The following NRDC variants were observed in gnomAD, a reference collection of about 807,000 sequenced individuals.
NRDC encodes the protein nardilysin convertase, also known as nardilysin.
NRDC carries 54 observed loss-of-function variants against 147.1 expected under a neutral mutation model. That is an observed-to-expected ratio of 0.37 (90% CI 0.29 to 0.46). NRDC has a LOEUF of 0.46. Ranked by LOEUF, NRDC falls within the 20% of genes least tolerant of loss-of-function variation. The pLI, the probability that NRDC is intolerant of heterozygous loss-of-function variation, is 1.00. For synonymous variants in NRDC, 440 were observed against 482.1 expected (o/e 0.91, Z 1.14); for missense variants, 1,082 against 1,370.6 (o/e 0.79, Z 3.33).
chr1:51,796,154 G>T (rs1678894559), intron 22 of NRDC, among the ~76,000 whole-genome samples: 1 of 151,606 alleles, frequency 6.6e-6, no homozygotes, highest in Non-Finnish European at 1.5e-5. Context: ...GTACTGGGAT[G>T]ACAGGCATAA....
At chr1:51,844,278 G>A (rs893818017) in intron 1 of NRDC, among the ~76,000 whole-genome samples, 2 of 152,106 alleles carry the variant, frequency 1.3e-5, no homozygotes, top group African/African-American at 4.8e-5. Context: ...TACTACCTCA[G>A]GATGTGATTG....
At position 51,878,601 on chromosome 1, in the gene NRDC, G is replaced by A; in HGVS notation, c.15C>T (p.Val5=). Residue 5 remains valine, a synonymous_variant, in exon 1 of 31, where the codon GTC becomes GTT. Transcript: ENST00000352171. The stretch of plus-strand genomic sequence containing the variant: ...GGGTGGCACAGACTGCAGCAACAGT[G>A]ACTCTCCTCAGCATTCACCACCAAG... MLRR[V]TVAAVCATRR... is the part of the protein sequence containing the mutation. The A allele has an allele frequency of 6.2e-7, 1 of 1,611,650 alleles. No homozygotes were observed. The highest frequency in any genetic ancestry group is 1.1e-5 in the South Asian group (1 of 90,698).
Position 51,840,455 on chromosome 1 carries a change from T to C in NRDC, c.401A>G (p.Glu134Gly), listed in dbSNP as rs774734400. The change falls in exon 2 of 31, where the codon GAA becomes GGA. Residue 134 changes from glutamate (E) to glycine (G), a missense_variant. Glu to Gly is a moderately conservative substitution (Grantham distance 98). This residue lies in a region of NRDC where 260 missense variants were observed against 253.2 expected (regional missense o/e 1.03). Coordinates refer to ENST00000352171, the MANE Select transcript of NRDC (RefSeq NM_001101662.2). ...ALLISDLSNM[E>G]GKTGNTTDDE... ...ATCTGTTGTATTTCCTGTTTTACCTTCCATATTACTTAGGTCTGAAATCAG... is the reference window on the plus strand; with the variant it reads ...ATCTGTTGTATTTCCTGTTTTACCTCCCATATTACTTAGGTCTGAAATCAG... 1 of 1,613,054 alleles carries C rather than the reference T, an allele frequency of 6.2e-7. No individual in the cohort carries two copies. Among genetic ancestry groups the C allele is most frequent in the South Asian group, 1.1e-5 (1 of 91,032 alleles).
At chr1:51,825,182 G>A in intron 6 of NRDC, 105 bp downstream of exon 6, 1 of 759,554 alleles carries the variant, frequency 1.3e-6, no homozygotes, top group Non-Finnish European at 2.2e-6. Flanking sequence ...AAGGTAAAAG[G>A]TACCTAGGGA....
In NRDC at chr1:51,851,121, C is replaced by T. The variant is rs115219140; in HGVS notation, c.342-10607G>A. 7.3e-3 allele frequency among the ~76,000 whole-genome samples: 1,111 copies of T among 152,176 alleles called. 14 individuals are homozygous for T. Among genetic ancestry groups the T allele is most frequent in the African/African-American group, 0.026 (1,064 of 41,516 alleles). ...GTGTATTTGGCAGGCAATCAGACAC[C>T]GTTGGCCTGTGGTGCTTCTACTTTC... On this transcript the variant is annotated intron_variant, in intron 1 of 30. Transcript: ENST00000352171.
chr1:51,872,837 G>C (rs1316527771), intron 1 of NRDC, among the ~76,000 whole-genome samples: 2 of 152,098 alleles, frequency 1.3e-5, no homozygotes, highest in East Asian at 3.8e-4. Flanking sequence ...TGTTAAATGA[G>C]TTTGAATCTC....
At chr1:51,797,517 G>A (rs1678985527) in intron 22 of NRDC, among the ~76,000 whole-genome samples, 1 of 152,070 alleles carries the variant, frequency 6.6e-6, no homozygotes, top group African/African-American at 2.4e-5. Flanking sequence ...ACAGGATAAA[G>A]CCCAGCACCT....
intron 6 of NRDC, among the ~76,000 whole-genome samples, chr1:51,824,745 TTATA>T (rs1425906131): frequency 6.6e-6 from 1 of 152,232 alleles, no homozygotes; most frequent in Non-Finnish European, 1.5e-5. Flanking sequence ...AGCACAGACT[TTATA>T]ATCAGATAAA....
rs558646429 is a variant in NRDC, at chr1:51,795,894, A to C, written c.2605-1040T>G. ...TTAAGCACTTCTTTAAACAAACAAA[A>C]AAAAACACCAGGGTCTTGCTTTATT... On this transcript the variant is annotated intron_variant, in intron 22 of 30. Coordinates refer to ENST00000352171, the MANE Select transcript of NRDC (RefSeq NM_001101662.2). Among the ~76,000 whole-genome samples, 12 of 152,206 alleles carry C rather than the reference A, an allele frequency of 7.9e-5. No individual in the cohort carries two copies. The East Asian group carries it at 2.3e-3, about 29-fold the overall frequency.
At chr1:51,859,224 T>C (rs949134121) in intron 1 of NRDC, among the ~76,000 whole-genome samples, 2 of 152,260 alleles carry the variant, frequency 1.3e-5, no homozygotes, top group African/African-American at 2.4e-5. Flanking sequence ...CAATCCTTTA[T>C]GTAAGCTATA....
chr1:51,875,423 A>G (rs1307814626), intron 1 of NRDC, among the ~76,000 whole-genome samples: 1 of 152,258 alleles, frequency 6.6e-6, no homozygotes, highest in Non-Finnish European at 1.5e-5. Flanking sequence ...AACAATTTTC[A>G]AAGAACAACT....
intron 17 of NRDC, among the ~76,000 whole-genome samples, chr1:51,808,733 A>C (rs909705222): frequency 6.6e-6 from 1 of 152,238 alleles, no homozygotes; most frequent in African/African-American, 2.4e-5. Flanking sequence ...TAGGATTGGT[A>C]GCTTTCAATG....
At chr1:51,855,190 A>T (rs1440323092) in intron 1 of NRDC, among the ~76,000 whole-genome samples, 1 of 152,210 alleles carries the variant, frequency 6.6e-6, no homozygotes, top group East Asian at 1.9e-4. Flanking sequence ...AACTTCTGCT[A>T]TCCAGAAATT....
At chr1:51,841,012 C>A (rs1342005527) in intron 1 of NRDC, among the ~76,000 whole-genome samples, 1 of 152,332 alleles carries the variant, frequency 6.6e-6, no homozygotes, top group Non-Finnish European at 1.5e-5. Flanking sequence ...TTTGACATAT[C>A]AGTCTCCAAA....
intron 1 of NRDC, among the ~76,000 whole-genome samples, chr1:51,843,994 G>A: frequency 6.6e-6 from 1 of 152,098 alleles, no homozygotes; most frequent in East Asian, 1.9e-4. Flanking sequence ...ATAATCCTAT[G>A]CATTCTACTT....
chr1:51,814,786 T>C lies in NRDC; in HGVS notation c.1467A>G (p.Gly489=), dbSNP rs1386972306. ...KKCWALALFG[G]NGETGFEQNS... ...TTTGCTCAAATCCTGTCTCACCATT[T>C]CCACCAAACAGTGCAAGAGCCCAGC... Residue 489 remains glycine (G), a synonymous_variant, in exon 12 of 31, where the codon GGA becomes GGG. Transcript: ENST00000352171. The C allele has an allele frequency of 6.2e-7, 1 of 1,607,494 alleles. No individual in the cohort carries two copies. Among genetic ancestry groups the C allele is most frequent in the Non-Finnish European group, 8.5e-7 (1 of 1,178,048 alleles).
intron 16 of NRDC, 125 bp from the exon 17 acceptor site, chr1:51,809,526 CAT>C (rs1189524753): frequency 4.4e-5 from 32 of 723,604 alleles, no homozygotes; most frequent in Non-Finnish European, 7.8e-5. Flanking sequence ...GTGACTGACA[CAT>C]ATCCAGGCAT....
At chr1:51,802,418 C>G (rs574244142) in intron 20 of NRDC, among the ~76,000 whole-genome samples, 2 of 152,296 alleles carry the variant, frequency 1.3e-5, no homozygotes, top group African/African-American at 4.8e-5. Flanking sequence ...CTAAGTCTCA[C>G]AAATTCAAGA....
intron 1 of NRDC, among the ~76,000 whole-genome samples, chr1:51,856,373 C>A (rs1307612438): frequency 6.6e-6 from 1 of 152,108 alleles, no homozygotes; most frequent in Non-Finnish European, 1.5e-5. Flanking sequence ...GGGCTCAGTC[C>A]CCAAGACTGC....
Sources: allele counts gnomAD v4.1 joint callset (sites outside exome capture counted in the v4.1 genomes callset), GRCh38; gene constraint gnomAD v4.1.1; regional missense constraint gnomAD v4.1.1; transcripts MANE v1.5; gene names NCBI Gene and HGNC (gene_info 2026-07-23, HGNC 2026-07-21).